The following ERGIC1 variants were observed in gnomAD, a reference collection of about 807,000 sequenced individuals.
ERGIC1 encodes endoplasmic reticulum-Golgi intermediate compartment protein 1.
Under a neutral mutation model 38.3 loss-of-function variants are expected in ERGIC1, and 19 were observed. The ratio of observed to expected loss-of-function variants is 0.50; its 90% CI spans 0.35 to 0.73. The LOEUF (loss-of-function observed/expected upper bound fraction) is 0.73, where lower values mean the gene tolerates loss of function less well. ERGIC1 is among the 30% of genes least tolerant of loss of function. The pLI is 0.01. For missense variants in ERGIC1, 294 were observed against 389.2 expected, an observed-to-expected ratio of 0.76 and a Z score of 2.06; for synonymous variants, 124 against 157.6, an observed-to-expected ratio of 0.79 and a Z score of 1.60.
chr5:172,851,352 T>A (rs2113035636), intron 1 of ERGIC1, among the ~76,000 whole-genome samples: 1 of 149,798 alleles, frequency 6.7e-6, no homozygotes, highest in Admixed American at 6.7e-5. Flanking sequence ...CTACTAAAAA[T>A]ACAAAAATTA....
intron 3 of ERGIC1, among the ~76,000 whole-genome samples, chr5:172,904,462 A>G (rs1762967769): frequency 6.6e-6 from 1 of 152,232 alleles, no homozygotes; most frequent in Non-Finnish European, 1.5e-5. Context: ...TAGGTCTCCC[A>G]GCTCCTAAGT....
At chr5:172,916,964 G>A (rs969058921) in intron 5 of ERGIC1, 4 of 152,346 alleles carry the variant, frequency 2.6e-5, no homozygotes, top group Admixed American at 6.5e-5. Context: ...CAGTCTGGGC[G>A]ACAGAGTGAG....
chr5:172,877,088 G>T (rs188927675), intron 1 of ERGIC1, among the ~76,000 whole-genome samples: 44 of 152,116 alleles, frequency 2.9e-4, no homozygotes, highest in Non-Finnish European at 4.6e-4. Context: ...TTTATAGTAA[G>T]TCTGGACATC....
chr5:172,858,806 G>A (rs1283623723), intron 1 of ERGIC1, among the ~76,000 whole-genome samples: 2 of 152,204 alleles, frequency 1.3e-5, no homozygotes, highest in South Asian at 4.1e-4. Flanking sequence ...TGAGGGCCCT[G>A]CCCAAGATTC....
In ERGIC1 at chr5:172,951,837, A is replaced by C. The variant is rs1172605548; in HGVS notation, c.*1021A>C. The C allele has an allele frequency of 2.0e-5, 3 of 152,314 alleles. No homozygotes were observed. Among genetic ancestry groups the C allele is most frequent in the Non-Finnish European group, 4.4e-5 (3 of 68,102 alleles). 9.4% of individuals were successfully genotyped at this position (152,314 alleles called of 1,614,324 possible). ...AGGCCTTAGGTGGAGGAAGCAAAGC[A>C]GGCCAGGCCTGTCCTGTCCGTGGAC... On this transcript the variant is annotated 3_prime_UTR_variant, in exon 10 of 10. Coordinates refer to ENST00000393784, the MANE Select transcript of ERGIC1 (RefSeq NM_001031711.3).
In ERGIC1 at chr5:172,894,303, C is replaced by G. The variant is rs181638474; in HGVS notation, c.83-2699C>G. ...CTCTGCCTCCTGGGTTCAAGTGATT[C>G]TCCTGCCTCAGCCTCTGGAGTAGCT... On this transcript the variant is annotated intron_variant, in intron 2 of 9. Transcript: ENST00000393784. Among the ~76,000 whole-genome samples the G allele has an allele frequency of 7.1e-3, 1,019 of 144,166 alleles. 7 individuals are homozygous for G. Among genetic ancestry groups the G allele is most frequent in the Non-Finnish European group, 0.012 (780 of 66,964 alleles). The allele number at this position is 144,166 out of a possible 152,430, so 94.6% of individuals were successfully genotyped here.
chr5:172,882,430 G>C (rs1762306815), intron 1 of ERGIC1, among the ~76,000 whole-genome samples: 1 of 152,138 alleles, frequency 6.6e-6, no homozygotes, highest in Non-Finnish European at 1.5e-5. Flanking sequence ...AAAACCATGA[G>C]ACCTTCATCT....
intron 2 of ERGIC1, among the ~76,000 whole-genome samples, chr5:172,894,056 T>C (rs904062967): frequency 2.1e-5 from 3 of 143,262 alleles, no homozygotes; most frequent in African/African-American, 7.6e-5. Flanking sequence ...ATTTTTTTTT[T>C]TTTATAATAC....
chr5:172,894,926 T>C (rs1561722641), intron 2 of ERGIC1, among the ~76,000 whole-genome samples: 1 of 152,240 alleles, frequency 6.6e-6, no homozygotes, highest in Non-Finnish European at 1.5e-5. Context: ...TGAAGATAGA[T>C]CAATCAATCG....
intron 1 of ERGIC1, among the ~76,000 whole-genome samples, chr5:172,836,034 T>G (rs1761028067): frequency 1.3e-5 from 2 of 152,210 alleles, no homozygotes; most frequent in South Asian, 4.1e-4. Flanking sequence ...TTCAGTAGGT[T>G]CCGGTGATTT....
intron 8 of ERGIC1, chr5:172,933,727 A>G (rs6869956): frequency 0.67 from 101,586 of 152,080 alleles, 34,468 homozygotes; most frequent in Non-Finnish European, 0.72. Flanking sequence ...AACAGATGGA[A>G]AAGCACAGAT....
In ERGIC1 at chr5:172,889,951, G is replaced by T. The variant is rs1176805537; in HGVS notation, c.82+1191G>T. 2.6e-5 allele frequency among the ~76,000 whole-genome samples: 4 copies of T among 152,212 alleles called. No homozygotes were observed. In the East Asian group the frequency reaches 5.8e-4, roughly 22 times the overall value. On this transcript the variant is annotated intron_variant, in intron 2 of 9. Coordinates refer to ENST00000393784, the MANE Select transcript of ERGIC1 (RefSeq NM_001031711.3). Reference sequence around the variant, plus strand: ...TTTTCAGATTTGGGATACTCAACGTGTATGTAGCTATTCTCCCATCCAGGT... The same window carrying T: ...TTTTCAGATTTGGGATACTCAACGTTTATGTAGCTATTCTCCCATCCAGGT...
chr5:172,881,255 G>GA (rs796184994), intron 1 of ERGIC1, among the ~76,000 whole-genome samples: 2,500 of 143,406 alleles, frequency 0.017, 66 homozygotes, highest in African/African-American at 0.06. Context: ...CTCAAAAAAA[G>GA]AAAAAAAAAA....
chr5:172,952,221 A>T lies in ERGIC1; in HGVS notation c.*1405A>T, dbSNP rs1764245539. On this transcript the variant is annotated 3_prime_UTR_variant, in exon 10 of 10. Coordinates refer to ENST00000393784, the MANE Select transcript of ERGIC1 (RefSeq NM_001031711.3). ...GGAGTGTCCAGTGGAAGGATTTTTAAAATTATCTTATGGATAGCTCAAGTC... is the reference window on the plus strand; with the variant it reads ...GGAGTGTCCAGTGGAAGGATTTTTATAATTATCTTATGGATAGCTCAAGTC... 6.6e-6 allele frequency: 1 copy of T among 152,178 alleles called. No homozygotes were observed. The highest frequency in any genetic ancestry group is 1.5e-5 in the Non-Finnish European group (1 of 68,032). The allele number at this position is 152,178 out of a possible 1,614,324, so 9.4% of individuals were successfully genotyped here.
intron 9 of ERGIC1, among the ~76,000 whole-genome samples, chr5:172,947,197 A>G (rs1034924522): frequency 2.0e-4 from 31 of 151,866 alleles, no homozygotes; most frequent in South Asian, 4.2e-4. Flanking sequence ...AAAAAAAAAA[A>G]AAAGAAAGAC....
At position 172,837,536 on chromosome 5, in the gene ERGIC1, T is replaced by C. The variant is rs1761065475; in HGVS notation, c.20+3103T>C. ...GCATCTCCAGCACCTAGAACTGTGC[T>C]TGAGCCAAACTCGATCCTTGGAGAT... On this transcript the variant is annotated intron_variant, in intron 1 of 9. Coordinates refer to ENST00000393784, the MANE Select transcript of ERGIC1 (RefSeq NM_001031711.3). The surrounding 1 kb of genome is among the most constrained non-coding windows in gnomAD (Gnocchi z 4.3). Among the ~76,000 whole-genome samples the C allele has an allele frequency of 6.6e-6, 1 of 152,218 alleles. No homozygotes were observed. Among genetic ancestry groups the C allele is most frequent in the African/African-American group, 2.4e-5 (1 of 41,436 alleles).
At chr5:172,919,895 G>A (rs776609307) in intron 5 of ERGIC1, among the ~76,000 whole-genome samples, 4 of 152,172 alleles carry the variant, frequency 2.6e-5, no homozygotes, top group Non-Finnish European at 5.9e-5. Flanking sequence ...TTAGACCCGC[G>A]TTATGGCTGC....
At position 172,893,935 on chromosome 5, in the gene ERGIC1, G is replaced by GTGTGTGTGTGTGTGTGTGTGTGTA. The variant is rs1429850022; in HGVS notation, c.83-3066_83-3065insGTGTGTGTGTGTGTGTGTGTGTAT. 2.2e-3 allele frequency among the ~76,000 whole-genome samples: 96 copies of GTGTGTGTGTGTGTGTGTGTGTGTA among 42,782 alleles called. 1 individual carries two copies. Among genetic ancestry groups the GTGTGTGTGTGTGTGTGTGTGTGTA allele is most frequent in the Admixed American group, 3.8e-3 (14 of 3,714 alleles). 28.1% of individuals were successfully genotyped at this position (42,782 alleles called of 152,430 possible). The stretch of plus-strand genomic sequence containing the variant: ...TGTGTGTGTGTGTGTGTGTGTGTGT[G>GTGTGTGTGTGTGTGTGTGTGTGTA]TATATATATATATATATATTTAAAT... On this transcript the variant is annotated intron_variant, in intron 2 of 9. Coordinates refer to ENST00000393784, the MANE Select transcript of ERGIC1 (RefSeq NM_001031711.3).
At chr5:172,888,222 G>T (rs1047931817) in intron 1 of ERGIC1, among the ~76,000 whole-genome samples, 1 of 152,216 alleles carries the variant, frequency 6.6e-6, no homozygotes, top group Non-Finnish European at 1.5e-5. Context: ...CACTTTGGGA[G>T]GCCAAGGTGG....
Sources: allele counts gnomAD v4.1 joint callset (sites outside exome capture counted in the v4.1 genomes callset), GRCh38; gene constraint gnomAD v4.1.1; non-coding constraint Gnocchi (gnomAD v3.1); transcripts MANE v1.5; gene names NCBI Gene and HGNC (gene_info 2026-07-23, HGNC 2026-07-21).